SYCE3: variants seen among roughly 807,000 people sequenced by gnomAD.
SYCE3 encodes the protein synaptonemal complex central element protein 3.
A neutral mutation model predicts 8.1 loss-of-function variants in SYCE3; 3 were observed. The observed-to-expected ratio is 0.37, with a 90% CI of 0.17 to 0.96. The LOEUF is 0.96. Among genes scored for constraint, SYCE3 ranks in the 40% least tolerant of loss-of-function variants. The pLI is 0.41. For synonymous variants in SYCE3, 36 were observed against 38.7 expected (o/e 0.93, Z 0.26); for missense variants, 83 against 110.0 (o/e 0.75, Z 1.10).
intron 2 of SYCE3, among the ~76,000 whole-genome samples, chr22:50,555,038 C>T (rs1038657053): frequency 5.3e-5 from 8 of 151,976 alleles, no homozygotes; most frequent in Non-Finnish European, 7.4e-5. Flanking sequence ...AGGAGAATGG[C>T]ATGAACCCGG....
intron 1 of SYCE3, among the ~76,000 whole-genome samples, chr22:50,559,745 T>C (rs1603442871): frequency 6.6e-6 from 1 of 151,962 alleles, no homozygotes; most frequent in African/African-American, 2.4e-5. Context: ...CTGGCCAATA[T>C]GGCAAAACCC....
At chr22:50,552,952 C>G (rs1254380970) in intron 2 of SYCE3, among the ~76,000 whole-genome samples, 1 of 152,124 alleles carries the variant, frequency 6.6e-6, no homozygotes, top group East Asian at 1.9e-4. Context: ...AATCCCAGCA[C>G]TTTGGGAGGC....
chr22:50,556,180 C>T (rs6009925), intron 2 of SYCE3, 117 bp downstream of exon 2: 30,924 of 677,032 alleles, frequency 0.046, 1,827 homozygotes, highest in African/African-American at 0.23. Context: ...CAACCTTGAA[C>T]ATATGTCCTG....
At chr22:50,555,289 T>C (rs1159716186) in intron 2 of SYCE3, among the ~76,000 whole-genome samples, 1 of 152,082 alleles carries the variant, frequency 6.6e-6, no homozygotes, top group African/African-American at 2.4e-5. Flanking sequence ...CAAAAGTACA[T>C]AGGCAAAAAA....
chr22:50,554,867 A>C (rs2069844039), intron 2 of SYCE3, among the ~76,000 whole-genome samples: 1 of 152,004 alleles, frequency 6.6e-6, no homozygotes, highest in Non-Finnish European at 1.5e-5. Flanking sequence ...TTACGCCTGT[A>C]ATCCCAGCAC....
At chr22:50,555,122 A>AAAATAAAT (rs1049151083) in intron 2 of SYCE3, among the ~76,000 whole-genome samples, 3 of 11,406 alleles carry the variant, frequency 2.6e-4, no homozygotes, top group Non-Finnish European at 4.0e-4. Flanking sequence ...ACTCTGTCTT[A>AAAATAAAT]AAATAAATAA....
At chr22:50,553,525 G>A (rs1036800577) in intron 2 of SYCE3, among the ~76,000 whole-genome samples, 3 of 152,204 alleles carry the variant, frequency 2.0e-5, no homozygotes, top group Admixed American at 1.3e-4. Flanking sequence ...CACTGGGCCC[G>A]GATCTGTTAC....
In SYCE3 at chr22:50,551,196, C is replaced by G; in HGVS notation, c.*49G>C. ...TGCCAGCTCCATCCCCCAGTGACCTCTTCATACGGGCAGAGGGTGGCATGG... is the reference window on the plus strand; with the variant it reads ...TGCCAGCTCCATCCCCCAGTGACCTGTTCATACGGGCAGAGGGTGGCATGG... On this transcript the variant is annotated 3_prime_UTR_variant, in exon 3 of 3. Coordinates refer to ENST00000406915, the MANE Select transcript of SYCE3 (RefSeq NM_001123225.3). The G allele has an allele frequency of 6.5e-7, 1 of 1,544,128 alleles. No individual in the cohort carries two copies.
chr22:50,555,773 C>T (rs2069854019), intron 2 of SYCE3, among the ~76,000 whole-genome samples: 1 of 151,052 alleles, frequency 6.6e-6, no homozygotes, highest in African/African-American at 2.4e-5. Flanking sequence ...CCCACCTTTC[C>T]AGATCGAACC....
At chr22:50,559,369 C>G (rs2069892129) in intron 1 of SYCE3, among the ~76,000 whole-genome samples, 2 of 152,192 alleles carry the variant, frequency 1.3e-5, no homozygotes, top group African/African-American at 4.8e-5. Flanking sequence ...CTCAGGTGAT[C>G]CGCCTGCTTC....
At chr22:50,552,101 C>T (rs949839262) in intron 2 of SYCE3, among the ~76,000 whole-genome samples, 2 of 152,206 alleles carry the variant, frequency 1.3e-5, no homozygotes, top group East Asian at 1.9e-4. Context: ...CATAGTCCAC[C>T]GGCTGGTGTG....
At chr22:50,551,547 G>T in intron 2 of SYCE3, 145 bp from the exon 3 acceptor site, 1 of 814,380 alleles carries the variant, frequency 1.2e-6, no homozygotes, top group Non-Finnish European at 1.9e-6. Flanking sequence ...GGGAGAGACA[G>T]CTGGTAGGCT....
At chr22:50,553,265 A>C (rs966500374) in intron 2 of SYCE3, among the ~76,000 whole-genome samples, 1 of 152,066 alleles carries the variant, frequency 6.6e-6, no homozygotes, top group Non-Finnish European at 1.5e-5. Flanking sequence ...GCGCCCAGCC[A>C]TAACGTTTTT....
chr22:50,552,272 A>G (rs886966712), intron 2 of SYCE3, among the ~76,000 whole-genome samples: 5 of 152,204 alleles, frequency 3.3e-5, no homozygotes, highest in Non-Finnish European at 7.3e-5. Flanking sequence ...CCTGGACAGC[A>G]GGTGCAGCAG....
At chr22:50,561,797 G>A (rs1461517349) in intron 1 of SYCE3, among the ~76,000 whole-genome samples, 1 of 151,378 alleles carries the variant, frequency 6.6e-6, no homozygotes, top group Non-Finnish European at 1.5e-5. Flanking sequence ...ATGCACCTGT[G>A]ATGTGGGAGA....
chr22:50,554,450 T>C (rs2069839140), intron 2 of SYCE3, among the ~76,000 whole-genome samples: 1 of 151,956 alleles, frequency 6.6e-6, no homozygotes, highest in Admixed American at 6.6e-5. Flanking sequence ...TCCCAGCACT[T>C]CAGGAGGCCA....
At chr22:50,554,511 T>C (rs1266380544) in intron 2 of SYCE3, among the ~76,000 whole-genome samples, 2 of 150,722 alleles carry the variant, frequency 1.3e-5, no homozygotes, top group African/African-American at 4.9e-5. Context: ...CTGGCCAAAA[T>C]GGTGAAACTT....
chr22:50,556,948 A>T (rs2069865647), intron 1 of SYCE3, among the ~76,000 whole-genome samples: 1 of 152,192 alleles, frequency 6.6e-6, no homozygotes, highest in Non-Finnish European at 1.5e-5. Flanking sequence ...TAATTTTAAA[A>T]TATGAAATGA....
Position 50,551,243 on chromosome 22 carries a change from G to A in SYCE3, c.*2C>T, listed in dbSNP as rs1485043681. The A allele has an allele frequency of 8.4e-6, 13 of 1,551,160 alleles. No individual in the cohort carries two copies. The highest frequency in any genetic ancestry group is 1.1e-5 in the Non-Finnish European group (13 of 1,146,844). On this transcript the variant is annotated 3_prime_UTR_variant, in exon 3 of 3. Coordinates refer to ENST00000406915, the MANE Select transcript of SYCE3 (RefSeq NM_001123225.3). ...ATGGCAGCTGTGGTGGGCCAGTGGGGCCTACAGCCTTTGCTTGGTCTCATG... is the reference window on the plus strand; with the variant it reads ...ATGGCAGCTGTGGTGGGCCAGTGGGACCTACAGCCTTTGCTTGGTCTCATG...
Sources: gnomAD v4.1 joint callset for allele counts (sites outside exome capture counted in the v4.1 genomes callset) on GRCh38, gnomAD v4.1.1 for gene constraint, MANE v1.5 for transcripts, NCBI Gene and HGNC (gene_info 2026-07-23, HGNC 2026-07-21) for gene names.